Variants in CTTNBP2 observed in about 807,000 individuals in gnomAD.
CTTNBP2 encodes cortactin-binding protein 2.
Under a neutral mutation model 156.9 loss-of-function variants are expected in CTTNBP2, and 108 were observed. The ratio of observed to expected loss-of-function variants is 0.69; its 90% confidence interval spans 0.59 to 0.81. CTTNBP2 has a LOEUF of 0.81. Ranked by LOEUF, CTTNBP2 falls within the 30% of genes least tolerant of loss-of-function variation. CTTNBP2 has a pLI of 0.00. For synonymous variants in CTTNBP2, 767 were observed against 751.8 expected, an observed-to-expected ratio of 1.02 and a Z score of -0.33; for missense variants, 1,924 against 2,035.4, an observed-to-expected ratio of 0.95 and a Z score of 1.05.
rs1056740454 is a variant in CTTNBP2, at chr7:117,759,902, G to A, written c.3172+533C>T. On this transcript the variant is annotated intron_variant, in intron 10 of 22. Transcript: ENST00000160373. Reference sequence around the variant, plus strand: ...CTATGCTCAGCAGAAAGCAAATCTCGTAAGTTCCTTGGAATCTGTTTTGTG... The same window carrying A: ...CTATGCTCAGCAGAAAGCAAATCTCATAAGTTCCTTGGAATCTGTTTTGTG... Among the ~76,000 whole-genome samples the A allele has an allele frequency of 2.6e-4, 40 of 152,172 alleles. 1 individual carries two copies. The highest frequency in any genetic ancestry group is 2.1e-4 in the South Asian group (1 of 4,824).
Position 117,711,451 on chromosome 7 carries a change from T to G in CTTNBP2, c.*86A>C. The G allele has an allele frequency of 1.4e-6, 2 of 1,400,878 alleles. No individual in the cohort carries two copies. The highest frequency in any genetic ancestry group is 1.9e-6 in the Non-Finnish European group (2 of 1,033,598). 86.8% of individuals were successfully genotyped at this position (1,400,878 alleles called of 1,614,324 possible). A position where few individuals can be genotyped will look rare whatever the true frequency, so the allele number is the denominator to read the frequency against. ...AATTTATATTACAGTGAAAACATTT[T>G]ATCAATTTAAAGGTATTTGTATCTT... On this transcript the variant is annotated 3_prime_UTR_variant, in exon 23 of 23. Transcript: ENST00000160373.
intron 11 of CTTNBP2, 49 bp from the exon 12 acceptor site, chr7:117,756,683 TA>T (rs1562976888): frequency 8.5e-7 from 1 of 1,171,468 alleles, no homozygotes; most frequent in Non-Finnish European, 1.3e-6. Flanking sequence ...TTGTTAAATA[TA>T]AACGATCAAA....
chr7:117,838,144 C>A (rs1200713066), intron 2 of CTTNBP2, among the ~76,000 whole-genome samples: 1 of 152,172 alleles, frequency 6.6e-6, no homozygotes, highest in East Asian at 1.9e-4. Flanking sequence ...AGATAAGTAC[C>A]ACCTACCAAG....
chr7:117,800,152 TG>T (rs1311672941), intron 3 of CTTNBP2, among the ~76,000 whole-genome samples: 1 of 152,022 alleles, frequency 6.6e-6, no homozygotes, highest in African/African-American at 2.4e-5. Context: ...TTTTTTTTTT[TG>T]TAGGGAAGCC....
rs752494711 is a variant in CTTNBP2, at chr7:117,791,502, A to G, written c.1694T>C (p.Val565Ala). Residue 565 changes from valine to alanine, a missense_variant, in exon 4 of 23, where the codon GTT becomes GCT. Val to Ala is a moderately conservative substitution (Grantham distance 64, BLOSUM62 0). Coordinates refer to ENST00000160373, the MANE Select transcript of CTTNBP2 (RefSeq NM_033427.3). Reference sequence around the variant, plus strand: ...CGAGGCCCTGCTGCTGTCTATAATAACCTTGAGTTGGGGGTGTGGTGGAGA... The same window carrying G: ...CGAGGCCCTGCTGCTGTCTATAATAGCCTTGAGTTGGGGGTGTGGTGGAGA... ...TPSPPHPQLK[V>A]IIDSSRASNT... The G allele has an allele frequency of 4.3e-6, 7 of 1,614,104 alleles. No homozygotes were observed. The highest frequency in any genetic ancestry group is 5.9e-6 in the Non-Finnish European group (7 of 1,180,024).
chr7:117,716,181 G>A (rs1003553145), intron 22 of CTTNBP2, among the ~76,000 whole-genome samples: 18 of 97,148 alleles, frequency 1.9e-4, no homozygotes, highest in African/African-American at 6.0e-4. Context: ...AAAAGGACTC[G>A]CTTTAAAAAA....
chr7:117,822,707 A>G (rs577700086), intron 2 of CTTNBP2, among the ~76,000 whole-genome samples: 2 of 152,200 alleles, frequency 1.3e-5, no homozygotes, highest in Non-Finnish European at 2.9e-5. Flanking sequence ...ATTTAAGTCT[A>G]TTGAGGTCAC....
intron 2 of CTTNBP2, among the ~76,000 whole-genome samples, chr7:117,828,720 T>C (rs1801439123): frequency 6.6e-6 from 1 of 152,230 alleles, no homozygotes; most frequent in African/African-American, 2.4e-5. Context: ...TATTACATCA[T>C]TTATTCAATG....
chr7:117,812,621 G>A (rs1800357518), intron 2 of CTTNBP2, among the ~76,000 whole-genome samples: 1 of 152,098 alleles, frequency 6.6e-6, no homozygotes, highest in Admixed American at 6.5e-5. Context: ...TAAAAGGTAA[G>A]GTTTATGAGC....
chr7:117,728,201 A>G lies in CTTNBP2; in HGVS notation c.3943T>C (p.Trp1315Arg). 1 of 1,614,208 alleles carries G rather than the reference A, an allele frequency of 6.2e-7. No individual in the cohort carries two copies. Among genetic ancestry groups the G allele is most frequent in the Non-Finnish European group, 8.5e-7 (1 of 1,180,002 alleles). Residue 1315 changes from tryptophan (W) to arginine (R), a missense_variant, in exon 17 of 23, where the codon TGG becomes CGG. Coordinates refer to ENST00000160373, the MANE Select transcript of CTTNBP2 (RefSeq NM_033427.3). ...CKIVDWALSV[W>R]RQLNSCLARL... Reference sequence around the variant, plus strand: ...GCCAGGCAGGAGTTAAGCTGACGCCAGACGGACAGAGCCCAGTCGACAATC... The same window carrying G: ...GCCAGGCAGGAGTTAAGCTGACGCCGGACGGACAGAGCCCAGTCGACAATC...
rs183229894 is a variant in CTTNBP2 at position 117,716,242 on chromosome 7, T to G, written c.4746+1776A>C. On this transcript the variant is annotated intron_variant, in intron 22 of 22. Coordinates refer to ENST00000160373, the MANE Select transcript of CTTNBP2 (RefSeq NM_033427.3). ...TTTGACTTTCAGTACTACTTTTTTT[T>G]TGTGGACAGTACCTTATTGTAGCAA... Among the ~76,000 whole-genome samples, 74 of 140,972 alleles carry G rather than the reference T, an allele frequency of 5.2e-4. 1 individual carries two copies. Among genetic ancestry groups the G allele is most frequent in the African/African-American group, 1.8e-3 (68 of 38,234 alleles). 92.5% of individuals were successfully genotyped at this position (140,972 alleles called of 152,430 possible). A position where few individuals can be genotyped will look rare whatever the true frequency, so the allele number is the denominator to read the frequency against.
intron 4 of CTTNBP2, among the ~76,000 whole-genome samples, chr7:117,787,470 A>G (rs1013531548): frequency 4.6e-5 from 7 of 152,232 alleles, no homozygotes; most frequent in Non-Finnish European, 8.8e-5. Flanking sequence ...CCAATCATAC[A>G]TGGAGGATAA....
In CTTNBP2 at chr7:117,767,170, G is replaced by T; in HGVS notation, c.2785C>A (p.Leu929Ile). The T allele has an allele frequency of 6.3e-7, 1 of 1,583,944 alleles. No individual in the cohort carries two copies. The highest frequency in any genetic ancestry group is 8.7e-7 in the Non-Finnish European group (1 of 1,152,580). ...IAASKGFKNC[L>I]EILCRHGGLE... ...CCTCCGTGCCTACACAAGATTTCTA[G>T]GCAGTTCTATAAAGACAAGAGCTCT... Residue 929 changes from leucine to isoleucine, a missense_variant, in exon 9 of 23, where the codon CTA becomes ATA. Coordinates refer to ENST00000160373, the MANE Select transcript of CTTNBP2 (RefSeq NM_033427.3).
intron 3 of CTTNBP2, among the ~76,000 whole-genome samples, chr7:117,795,296 C>A (rs888128279): frequency 1.3e-5 from 2 of 152,122 alleles, no homozygotes; most frequent in Non-Finnish European, 2.9e-5. Context: ...CACCAAATAA[C>A]AGACTGGTAT....
At chr7:117,859,396 G>A (rs1193935478) in intron 2 of CTTNBP2, among the ~76,000 whole-genome samples, 1 of 152,186 alleles carries the variant, frequency 6.6e-6, no homozygotes, top group Non-Finnish European at 1.5e-5. Context: ...TTGCTAAGGT[G>A]ATACATAAAA....
intron 4 of CTTNBP2, among the ~76,000 whole-genome samples, chr7:117,788,180 GCCC>G (rs1387458202): frequency 6.6e-6 from 1 of 152,198 alleles, no homozygotes; most frequent in Non-Finnish European, 1.5e-5. Flanking sequence ...TTGCCATTTT[GCCC>G]CGGCTGGTCT....
chr7:117,730,823 G>A (rs192059089), intron 16 of CTTNBP2, among the ~76,000 whole-genome samples: 171 of 151,882 alleles, frequency 1.1e-3, no homozygotes, highest in Non-Finnish European at 1.1e-3. Context: ...AATTCGGGGG[G>A]ATGGGGACAG....
intron 14 of CTTNBP2, among the ~76,000 whole-genome samples, chr7:117,738,372 C>T (rs753956633): frequency 6.6e-6 from 1 of 152,164 alleles, no homozygotes; most frequent in Non-Finnish European, 1.5e-5. Context: ...GGGGGATAAA[C>T]AGGATTTGAC....
At chr7:117,760,306 A>T in intron 10 of CTTNBP2, 129 bp downstream of exon 10, 1 of 869,348 alleles carries the variant, frequency 1.2e-6, no homozygotes, top group Non-Finnish European at 1.8e-6. Flanking sequence ...CAAGTTTTTC[A>T]GCACCGGCAG....
Sources: allele counts gnomAD v4.1 joint callset (sites outside exome capture counted in the v4.1 genomes callset), GRCh38; gene constraint gnomAD v4.1.1; transcripts MANE v1.5; gene names NCBI Gene and HGNC (gene_info 2026-07-23, HGNC 2026-07-21).